The following DHX8 variants were observed in gnomAD, a reference collection of about 807,000 sequenced individuals.
DHX8 encodes the protein ATP-dependent RNA helicase DHX8.
Under a neutral mutation model 140.7 loss-of-function variants are expected in DHX8, and 67 were observed. That is an observed-to-expected ratio of 0.48 (90% CI 0.39 to 0.58). The LOEUF (loss-of-function observed/expected upper bound fraction) is 0.58. Among genes scored for constraint, DHX8 ranks in the 20% least tolerant of loss-of-function variants. DHX8 has a pLI of 0.00. For missense variants in DHX8, 887 were observed against 1,550.7 expected (o/e 0.57, Z 7.19); for synonymous variants, 533 against 553.2 (o/e 0.96, Z 0.51).
intron 11 of DHX8, among the ~76,000 whole-genome samples, chr17:43,500,686 G>A (rs1969138310): frequency 6.6e-6 from 1 of 151,996 alleles, no homozygotes; most frequent in Non-Finnish European, 1.5e-5. Flanking sequence ...GCTGAGGCGG[G>A]CGGATCACAA....
Position 43,517,184 on chromosome 17 carries a change from A to C in DHX8, c.2661A>C (p.Arg887=). The change falls in exon 18 of 23, where the codon CGA becomes CGC. Residue 887 remains arginine, a synonymous_variant. Coordinates refer to ENST00000262415, the MANE Select transcript of DHX8 (RefSeq NM_004941.3). ...TPISQAQAKQ[R]AGRAGRTGPG... ...CCCTCTAGGCTCAGGCAAAGCAACG[A>C]GCTGGCAGAGCTGGGAGAACAGGCC... The C allele has an allele frequency of 1.2e-6, 2 of 1,613,804 alleles. No individual in the cohort carries two copies. The highest frequency in any genetic ancestry group is 1.7e-6 in the Non-Finnish European group (2 of 1,179,884).
intron 2 of DHX8, among the ~76,000 whole-genome samples, chr17:43,533,541 G>A (rs1248919046): frequency 6.6e-6 from 1 of 152,056 alleles, no homozygotes; most frequent in Non-Finnish European, 1.5e-5. Context: ...GTCTCCCTCT[G>A]TTGCCCAGGC....
At chr17:43,533,132 C>G (rs1290789796) in intron 2 of DHX8, 2 of 1,594,176 alleles carry the variant, frequency 1.3e-6, no homozygotes, top group Non-Finnish European at 1.7e-6. Flanking sequence ...GGAGAACACT[C>G]AGGAATTGAA....
chr17:43,526,207 C>T, downstream of DHX8: 1 of 985,362 alleles, frequency 1.0e-6, no homozygotes, highest in Non-Finnish European at 1.2e-6. Context: ...TGTTTCTCTT[C>T]CTTGAACCAG....
chr17:43,532,549 A>C (rs1970998877), intron 2 of DHX8: 1 of 895,356 alleles, frequency 1.1e-6, no homozygotes, highest in African/African-American at 1.7e-5. Context: ...ATTATGAAGA[A>C]AAAAAGTGGG....
At chr17:43,509,856 A>T (rs1028324242) in intron 16 of DHX8, among the ~76,000 whole-genome samples, 1 of 151,484 alleles carries the variant, frequency 6.6e-6, no homozygotes, top group Non-Finnish European at 1.5e-5. Flanking sequence ...TTTAGTAGAG[A>T]TGGGGTTTCC....
chr17:43,525,717 G>T (rs1221506778), downstream of DHX8: 12 of 982,860 alleles, frequency 1.2e-5, no homozygotes, highest in Non-Finnish European at 1.4e-5. Context: ...TGATCTTCCT[G>T]CCTCAGCCTC....
chr17:43,489,597 G>GT (rs200604126), intron 2 of DHX8, 63 bp downstream of exon 2: 64,472 of 1,021,600 alleles, frequency 0.063, no homozygotes, highest in South Asian at 0.086. Context: ...TTGTTTGTTT[G>GT]TTTTTTTTTT....
At chr17:43,529,211 T>C (rs745889830), downstream of DHX8, 19 of 1,613,950 alleles carry the variant, frequency 1.2e-5, no homozygotes, top group Non-Finnish European at 1.5e-5. Context: ...TGGCCGGTTC[T>C]TCTGGATGCC....
chr17:43,529,426 TG>T (rs1970768773), downstream of DHX8: 1 of 1,521,860 alleles, frequency 6.6e-7, no homozygotes, highest in Non-Finnish European at 8.9e-7. Context: ...TGGAGGCACG[TG>T]CCACCATTTC....
chr17:43,537,299 A>G (rs1035310299), intron 3 of DHX8, among the ~76,000 whole-genome samples: 1 of 152,226 alleles, frequency 6.6e-6, no homozygotes, highest in East Asian at 1.9e-4. Context: ...TGGGAGGCAG[A>G]GGTTGCAGTG....
intron 17 of DHX8, among the ~76,000 whole-genome samples, chr17:43,515,733 C>A (rs1970078957): frequency 6.6e-6 from 1 of 152,156 alleles, no homozygotes; most frequent in African/African-American, 2.4e-5. Context: ...AAATTAGTTA[C>A]ACATGCCTGT....
At chr17:43,526,657 G>A, downstream of DHX8, 2 of 1,528,204 alleles carry the variant, frequency 1.3e-6, no homozygotes, top group South Asian at 2.4e-5. Context: ...TTCTTTCCCT[G>A]GATGCTGCTT....
chr17:43,542,780 C>T (rs1428756307), intron 3 of DHX8, among the ~76,000 whole-genome samples: 1 of 152,198 alleles, frequency 6.6e-6, no homozygotes, highest in East Asian at 1.9e-4. Context: ...TCTTCACAGA[C>T]CCACCCACAC....
chr17:43,513,379 T>C lies in DHX8; in HGVS notation c.2520T>C (p.Asn840=), dbSNP rs1969948572. ...PGSRKVVIAT[N]IAETSLTIDG... ...GCCTGCAGGTTGTGATTGCCACCAA[T>C]ATCGCAGAGACATCGCTGACTATTG... Residue 840 remains asparagine (N), a synonymous_variant, in exon 17 of 23, where the codon AAT becomes AAC. Coordinates refer to ENST00000262415, the MANE Select transcript of DHX8 (RefSeq NM_004941.3). 2 of 1,613,246 alleles carry C rather than the reference T, an allele frequency of 1.2e-6. No individual in the cohort carries two copies. Among genetic ancestry groups the C allele is most frequent in the South Asian group, 2.2e-5 (2 of 90,932 alleles).
chr17:43,489,390 C>G, intron 1 of DHX8, 59 bp from the exon 2 acceptor site: 1 of 1,221,544 alleles, frequency 8.2e-7, no homozygotes, highest in East Asian at 2.4e-5. Flanking sequence ...TTTCACCATA[C>G]TTGAAACTGA....
Position 43,524,264 on chromosome 17 carries a change from A to G in DHX8, c.*417A>G. The G allele has an allele frequency of 9.7e-7, 1 of 1,027,132 alleles. No individual in the cohort carries two copies. The highest frequency in any genetic ancestry group is 1.2e-6 in the Non-Finnish European group (1 of 855,382). The allele number at this position is 1,027,132 out of a possible 1,614,324, so 63.6% of individuals were successfully genotyped here. The stretch of plus-strand genomic sequence containing the variant: ...TTGCCCCACTTCCCACCCCGTCTCC[A>G]GCCCCTGTACTTTGGCTTGACCTCG... On this transcript the variant is annotated 3_prime_UTR_variant, in exon 23 of 23. Coordinates refer to ENST00000262415, the MANE Select transcript of DHX8 (RefSeq NM_004941.3).
At position 43,484,109 on chromosome 17, in the gene DHX8, A is replaced by G. The variant is rs1435726203; in HGVS notation, c.72A>G (p.Lys24=). The change falls in exon 1 of 23, where the codon AAA becomes AAG. Residue 24 remains lysine, a synonymous_variant. Transcript: ENST00000262415. Reference sequence around the variant, plus strand: ...CAGGCCCCGCGGAAGAACTTGCCAAACTCGAGTACCTGTCTTTGGTGTCAA... The same window carrying G: ...CAGGCCCCGCGGAAGAACTTGCCAAGCTCGAGTACCTGTCTTTGGTGTCAA... The part of the protein sequence containing the change: ...SEPGPAEELA[K]LEYLSLVSKV... 6.2e-7 allele frequency: 1 copy of G among 1,614,028 alleles called. No homozygotes were observed. Among genetic ancestry groups the G allele is most frequent in the South Asian group, 1.1e-5 (1 of 91,072 alleles).
chr17:43,522,304 G>A lies in DHX8; in HGVS notation c.3443+78G>A, dbSNP rs556630858. The A allele has an allele frequency of 4.2e-6, 6 of 1,426,608 alleles. No individual in the cohort carries two copies. In the African/African-American group the frequency reaches 5.7e-5, roughly 14 times the overall value. The allele number at this position is 1,426,608 out of a possible 1,614,324, so 88.4% of individuals were successfully genotyped here. ...GTAAATTTCCTGGTATTTTGTGATT[G>A]TGTCTTCACTACTCCCAGTATGTCC... is the stretch of plus-strand genomic sequence containing the variant. On this transcript the variant is annotated intron_variant, in intron 22 of 22. Transcript: ENST00000262415.
Sources: allele counts gnomAD v4.1 joint callset (sites outside exome capture counted in the v4.1 genomes callset), GRCh38; gene constraint gnomAD v4.1.1; transcripts MANE v1.5; gene names NCBI Gene and HGNC (gene_info 2026-07-23, HGNC 2026-07-21).